Variants in CBX1 observed in about 807,000 individuals in gnomAD.
CBX1 encodes the protein chromobox protein homolog 1.
CBX1 carries 10 observed loss-of-function variants against 25.1 expected under a neutral mutation model. The ratio of observed to expected loss-of-function variants is 0.40; its 90% CI spans 0.25 to 0.68. CBX1 has a LOEUF of 0.68. Ranked by LOEUF, CBX1 falls within the 30% of genes least tolerant of loss-of-function variation. The pLI is 0.40. For synonymous variants in CBX1, 63 were observed against 79.4 expected (o/e 0.79, Z 1.10); for missense variants, 106 against 218.5 (o/e 0.49, Z 3.25).
chr17:48,100,953 G>A (rs1297484858), intron 1 of CBX1: 1 of 986,332 alleles, frequency 1.0e-6, no homozygotes, highest in Non-Finnish European at 1.2e-6. Flanking sequence ...TCCCGCAGCC[G>A]CCCAGCCAAG....
chr17:48,075,282 C>T (rs543205808), intron 3 of CBX1, among the ~76,000 whole-genome samples, 182 bp from the exon 4 acceptor site: 1 of 151,720 alleles, frequency 6.6e-6, no homozygotes, highest in South Asian at 2.1e-4. Flanking sequence ...GCAGCCTCTG[C>T]CTCCCAGGTT....
rs1409776896 is a variant in CBX1, at chr17:48,070,284, A to ATG, written c.*1149_*1150dup. 1 of 152,626 alleles carries ATG rather than the reference A, an allele frequency of 6.6e-6. No individual in the cohort carries two copies. The highest frequency in any genetic ancestry group is 2.4e-5 in the African/African-American group (1 of 41,448). 9.5% of individuals were successfully genotyped at this position (152,626 alleles called of 1,614,324 possible). A position where few individuals can be genotyped will look rare whatever the true frequency, so the allele number is the denominator to read the frequency against. ...TCTTAAAAAATTGTTTTGTGTGTGT[A>ATG]TGTGTGTGTTTTAAAGTGAACCACT... On this transcript the variant is annotated 3_prime_UTR_variant, in exon 5 of 5. Transcript: ENST00000225603.
At chr17:48,100,611 T>C (rs923094135) in intron 1 of CBX1, 7 of 563,196 alleles carry the variant, frequency 1.2e-5, no homozygotes, top group African/African-American at 1.0e-4. Context: ...TTACATACCT[T>C]ATAGAAATAT....
chr17:48,074,973 A>T, intron 4 of CBX1, 33 bp downstream of exon 4: 1 of 1,485,726 alleles, frequency 6.7e-7, no homozygotes. Context: ...GAGAAGAAAA[A>T]AAACAACCAC....
intron 1 of CBX1, among the ~76,000 whole-genome samples, chr17:48,093,095 G>T: frequency 2.2e-5 from 2 of 91,726 alleles, no homozygotes; most frequent in Non-Finnish European, 2.2e-5. Context: ...AAAAAGAAAA[G>T]AAAAGAAAAG....
chr17:48,092,556 G>T (rs961152980), intron 1 of CBX1, among the ~76,000 whole-genome samples: 6 of 150,728 alleles, frequency 4.0e-5, no homozygotes, highest in Non-Finnish European at 8.9e-5. Context: ...CGGGTTCAAG[G>T]GATTCTCCTG....
intron 1 of CBX1, among the ~76,000 whole-genome samples, chr17:48,098,983 T>C (rs187205545): frequency 1.3e-5 from 2 of 152,356 alleles, no homozygotes; most frequent in East Asian, 1.9e-4. Context: ...GAGGTATAGT[T>C]TGTAAGTTAT....
chr17:48,092,842 C>T (rs540472402), intron 1 of CBX1, among the ~76,000 whole-genome samples: 7 of 151,832 alleles, frequency 4.6e-5, no homozygotes, highest in Non-Finnish European at 1.0e-4. Context: ...AGGCCGAGGT[C>T]GGCAGATCAC....
chr17:48,101,058 C>T, intron 1 of CBX1: 1 of 985,952 alleles, frequency 1.0e-6, no homozygotes, highest in Non-Finnish European at 1.2e-6. Flanking sequence ...ATTCGCGCCC[C>T]GCCCTCTCCA....
At chr17:48,091,105 T>G (rs2063341562) in intron 1 of CBX1, among the ~76,000 whole-genome samples, 2 of 152,072 alleles carry the variant, frequency 1.3e-5, no homozygotes, top group South Asian at 4.1e-4. Flanking sequence ...CACTCCAAGG[T>G]TAGGGAATAG....
chr17:48,099,803 G>A (rs554805679), intron 1 of CBX1, among the ~76,000 whole-genome samples: 183 of 152,208 alleles, frequency 1.2e-3, no homozygotes, highest in Non-Finnish European at 2.2e-3. Context: ...ACGTCTAAAT[G>A]TAACACCAAT....
intron 1 of CBX1, among the ~76,000 whole-genome samples, chr17:48,093,212 T>A (rs531341030): frequency 1.0e-4 from 15 of 149,480 alleles, no homozygotes; most frequent in African/African-American, 3.5e-4. Context: ...GAGGCAGAGG[T>A]TGCAGTGAGG....
At chr17:48,087,343 AGGTG>A (rs1383168728) in intron 1 of CBX1, among the ~76,000 whole-genome samples, 1 of 151,900 alleles carries the variant, frequency 6.6e-6, no homozygotes. Context: ...TTGGGAGGCG[AGGTG>A]GGTGGATCAC....
intron 1 of CBX1, among the ~76,000 whole-genome samples, chr17:48,092,120 G>C (rs1598314719): frequency 6.9e-6 from 1 of 144,058 alleles, no homozygotes; most frequent in East Asian, 2.1e-4. Context: ...CCTCCCGAGT[G>C]GCTGGGATTA....
chr17:48,101,438 C>G lies in CBX1; in HGVS notation c.-208G>C, dbSNP rs1567772738. ...CCCGGCCAACGGCCCTCCCCTCAGC[C>G]GAACAAAAGAGCCTCGCAGTCTGCG... On this transcript the variant is annotated 5_prime_UTR_variant, in exon 1 of 5. Transcript: ENST00000225603. 6 of 985,628 alleles carry G rather than the reference C, an allele frequency of 6.1e-6. No individual in the cohort carries two copies. The highest frequency in any genetic ancestry group is 1.7e-5 in the African/African-American group (1 of 57,384). The allele number at this position is 985,628 out of a possible 1,614,324, so 61.1% of individuals were successfully genotyped here.
At chr17:48,077,582 G>A (rs900495297) in intron 1 of CBX1, among the ~76,000 whole-genome samples, 3 of 151,276 alleles carry the variant, frequency 2.0e-5, no homozygotes, top group Non-Finnish European at 4.4e-5. Flanking sequence ...GAGCCACCAC[G>A]CCTGGCCTTC....
chr17:48,086,412 C>T (rs1567767418), intron 1 of CBX1, among the ~76,000 whole-genome samples: 1 of 152,178 alleles, frequency 6.6e-6, no homozygotes, highest in Non-Finnish European at 1.5e-5. Flanking sequence ...TAAACATGAA[C>T]TATGAAGTGC....
At chr17:48,097,616 C>CAA (rs373074939) in intron 1 of CBX1, among the ~76,000 whole-genome samples, 6 of 80,092 alleles carry the variant, frequency 7.5e-5, no homozygotes, top group East Asian at 3.5e-4. Context: ...GACTCTGTCT[C>CAA]AAAAAAAAAA....
Position 48,076,981 on chromosome 17 carries a change from C to A in CBX1, c.24G>T (p.Lys8Asn). MGKKQNKKKVEEVLEEEE... is the reference protein window; with the variant it reads MGKKQNKNKVEEVLEEEE... ...CCTCTTCTAGCACCTCCTCCACTTT[C>A]TTCTTGTTTTGTTTTTTCCCCATAG... The change falls in exon 2 of 5, where the codon AAG (lysine) becomes AAT (asparagine). Residue 8 changes from lysine (K) to asparagine (N), a missense_variant. This residue lies in a region of CBX1 where 19 missense variants were observed against 17.3 expected (regional missense o/e 1.10). Transcript: ENST00000225603. 6.2e-7 allele frequency: 1 copy of A among 1,613,468 alleles called. No individual in the cohort carries two copies. Among genetic ancestry groups the A allele is most frequent in the Non-Finnish European group, 8.5e-7 (1 of 1,179,762 alleles).
Sources: allele counts gnomAD v4.1 joint callset (sites outside exome capture counted in the v4.1 genomes callset), GRCh38; gene constraint gnomAD v4.1.1; regional missense constraint gnomAD v4.1.1; transcripts MANE v1.5; gene names NCBI Gene and HGNC (gene_info 2026-07-23, HGNC 2026-07-21).